Variants in GPR158 observed in about 807,000 individuals in gnomAD.
GPR158 encodes the protein metabotropic glycine receptor.
GPR158 carries 30 observed loss-of-function variants against 78.2 expected under a neutral mutation model. The ratio of observed to expected loss-of-function variants is 0.38; its 90% CI spans 0.29 to 0.52. GPR158 has a LOEUF of 0.52. Among genes scored for constraint, GPR158 ranks in the 20% least tolerant of loss-of-function variants. The pLI is 0.83. For synonymous variants in GPR158, 581 were observed against 591.1 expected (o/e 0.98, Z 0.25); for missense variants, 1,463 against 1,523.5 (o/e 0.96, Z 0.66).
intron 2 of GPR158, among the ~76,000 whole-genome samples, chr10:25,310,825 T>C (rs1854753407): frequency 6.6e-6 from 1 of 152,070 alleles, no homozygotes; most frequent in South Asian, 2.1e-4. Context: ...TTTATTAATA[T>C]TTTTTCTATA....
chr10:25,215,861 C>T (rs748182278), intron 1 of GPR158, among the ~76,000 whole-genome samples: 43 of 152,078 alleles, frequency 2.8e-4, no homozygotes, highest in Middle Eastern at 3.2e-3. Flanking sequence ...CACAAACCAG[C>T]TCCTTCTTTA....
At chr10:25,537,488 G>A (rs528819523) in intron 5 of GPR158, among the ~76,000 whole-genome samples, 1 of 152,142 alleles carries the variant, frequency 6.6e-6, no homozygotes, top group South Asian at 2.1e-4. Context: ...TTGAAAGCAT[G>A]TCTAATACTA....
chr10:25,178,324 AG>A (rs906955525), intron 1 of GPR158, among the ~76,000 whole-genome samples: 2 of 152,322 alleles, frequency 1.3e-5, no homozygotes, highest in Middle Eastern at 3.4e-3. Context: ...AAGGTGTCCT[AG>A]GGGTTGCTAT....
intron 9 of GPR158, 71 bp downstream of exon 9, chr10:25,594,468 G>T: frequency 3.3e-6 from 2 of 605,696 alleles, no homozygotes; most frequent in South Asian, 2.4e-5. Flanking sequence ...TTATCCTATA[G>T]GCAAAAGGAG....
intron 2 of GPR158, among the ~76,000 whole-genome samples, chr10:25,237,895 T>C (rs1171298077): frequency 6.6e-6 from 1 of 152,034 alleles, no homozygotes; most frequent in Admixed American, 6.6e-5. Context: ...TTTCTTCCTG[T>C]CCTCTCTATC....
chr10:25,460,734 C>A (rs1835348727), intron 4 of GPR158, among the ~76,000 whole-genome samples: 1 of 152,026 alleles, frequency 6.6e-6, no homozygotes, highest in South Asian at 2.1e-4. Flanking sequence ...ACAGACATAC[C>A]TTGTTTTATT....
intron 2 of GPR158, among the ~76,000 whole-genome samples, chr10:25,264,414 T>G (rs1355192849): frequency 6.6e-6 from 1 of 152,132 alleles, no homozygotes; most frequent in Non-Finnish European, 1.5e-5. Context: ...ACTTGATCAG[T>G]CCACAGCTAT....
intron 2 of GPR158, among the ~76,000 whole-genome samples, chr10:25,267,571 A>T (rs1388041626): frequency 2.6e-4 from 40 of 152,146 alleles, no homozygotes; most frequent in Non-Finnish European, 1.5e-5. Flanking sequence ...AGGATATCTG[A>T]AATGTTTATA....
At chr10:25,496,677 G>A (rs1050780308) in intron 5 of GPR158, among the ~76,000 whole-genome samples, 5 of 152,162 alleles carry the variant, frequency 3.3e-5, no homozygotes, top group East Asian at 3.9e-4. Context: ...TCCTACAAGA[G>A]CAGCATGTGG....
chr10:25,258,399 A>C (rs941744388), intron 2 of GPR158, among the ~76,000 whole-genome samples: 16 of 152,220 alleles, frequency 1.1e-4, no homozygotes, highest in African/African-American at 3.1e-4. Context: ...TGTTTTAATT[A>C]TTTTTGTAGC....
At chr10:25,467,390 A>G (rs1835439447) in intron 5 of GPR158, among the ~76,000 whole-genome samples, 1 of 152,198 alleles carries the variant, frequency 6.6e-6, no homozygotes. Context: ...GGCCTGGAAG[A>G]AAAACATCTA....
intron 5 of GPR158, among the ~76,000 whole-genome samples, chr10:25,500,779 A>G (rs2130657666): frequency 6.6e-6 from 1 of 152,296 alleles, no homozygotes; most frequent in South Asian, 2.1e-4. Context: ...TACAGTCACA[A>G]AGTTATTGCA....
chr10:25,470,138 A>G (rs2480346), intron 5 of GPR158, among the ~76,000 whole-genome samples: 105,743 of 151,258 alleles, frequency 0.7, 37,529 homozygotes, highest in East Asian at 0.99. Context: ...TGCACTCAAT[A>G]TGTAGATCGA....
intron 6 of GPR158, among the ~76,000 whole-genome samples, chr10:25,569,472 A>G (rs2130729137): frequency 6.6e-6 from 1 of 152,320 alleles, no homozygotes; most frequent in East Asian, 1.9e-4. Context: ...CATTTTAACC[A>G]TGGAAAGAAT....
chr10:25,484,083 A>G (rs1191838258), intron 5 of GPR158, among the ~76,000 whole-genome samples: 1 of 152,166 alleles, frequency 6.6e-6, no homozygotes, highest in Admixed American at 6.6e-5. Flanking sequence ...TCTAACCTAT[A>G]ACATTCTATG....
chr10:25,387,779 G>T (rs1392228097), intron 2 of GPR158, among the ~76,000 whole-genome samples: 1 of 152,126 alleles, frequency 6.6e-6, no homozygotes, highest in Admixed American at 6.5e-5. Flanking sequence ...CTCCCAAAGT[G>T]CTGTGATTAC....
intron 8 of GPR158, among the ~76,000 whole-genome samples, chr10:25,592,086 T>C (rs1380244678): frequency 6.6e-6 from 1 of 152,042 alleles, no homozygotes; most frequent in Non-Finnish European, 1.5e-5. Context: ...TTTCCTTGAA[T>C]GAAACAATAT....
At position 25,345,542 on chromosome 10, in the gene GPR158, G is replaced by A. The variant is rs12263796; in HGVS notation, c.1009-50369G>A. ...CAAGGAAAGAAGTAAAGGATTTGCC[G>A]ACTAAACATGGAGAGATACCAGCCC... is the stretch of plus-strand genomic sequence containing the variant. On this transcript the variant is annotated intron_variant, in intron 2 of 10. Transcript: ENST00000376351. Among the ~76,000 whole-genome samples the A allele has an allele frequency of 2.1e-3, 318 of 151,968 alleles. 3 individuals are homozygous for A. In the South Asian group the frequency reaches 0.022, roughly 10 times the overall value.
intron 5 of GPR158, among the ~76,000 whole-genome samples, chr10:25,503,401 C>T (rs1835967406): frequency 6.6e-6 from 1 of 152,020 alleles, no homozygotes; most frequent in South Asian, 2.1e-4. Context: ...AAAAAAAAAT[C>T]CCAACCTTTG....
Sources: allele counts gnomAD v4.1 joint callset (sites outside exome capture counted in the v4.1 genomes callset), GRCh38; gene constraint gnomAD v4.1.1; transcripts MANE v1.5; gene names NCBI Gene and HGNC (gene_info 2026-07-23, HGNC 2026-07-21).